TJP1: variants seen among roughly 807,000 people sequenced by gnomAD.
TJP1 encodes the protein tight junction protein 1, also known as tight junction protein ZO-1.
A neutral mutation model predicts 194.2 loss-of-function variants in TJP1; 43 were observed. The observed-to-expected ratio is 0.22, with a 90% CI of 0.17 to 0.29. The LOEUF is 0.29. TJP1 is among the 10% of genes least tolerant of loss of function. TJP1 has a pLI of 1.00. For missense variants in TJP1, 1,971 were observed against 2,185.7 expected (o/e 0.90, Z 1.96); for synonymous variants, 801 against 779.0 (o/e 1.03, Z -0.47).
intron 2 of TJP1, among the ~76,000 whole-genome samples, chr15:29,901,900 A>G (rs970282569): frequency 1.3e-5 from 2 of 152,018 alleles, no homozygotes; most frequent in Non-Finnish European, 1.5e-5. Flanking sequence ...ATTATGATTC[A>G]GGTATTTTCA....
At chr15:29,850,642 T>C (rs1050840801) in intron 2 of TJP1, among the ~76,000 whole-genome samples, 1 of 151,962 alleles carries the variant, frequency 6.6e-6, no homozygotes, top group African/African-American at 2.4e-5. Flanking sequence ...GCCAAATGTT[T>C]ATTGTTTTAA....
At chr15:29,716,520 T>G in intron 23 of TJP1, 91 bp downstream of exon 23, 3 of 955,684 alleles carry the variant, frequency 3.1e-6, no homozygotes, top group South Asian at 1.7e-5. Flanking sequence ...AATCATATAT[T>G]ACACTTAAAT....
At chr15:29,948,670 G>A (rs979083155) in intron 2 of TJP1, among the ~76,000 whole-genome samples, 18 of 152,228 alleles carry the variant, frequency 1.2e-4, no homozygotes, top group African/African-American at 3.4e-4. Flanking sequence ...GCAGAGGAGG[G>A]GAGATGCAAA....
chr15:29,782,263 A>T (rs992834679), intron 2 of TJP1, among the ~76,000 whole-genome samples: 1 of 152,152 alleles, frequency 6.6e-6, no homozygotes, highest in South Asian at 2.1e-4. Context: ...AAAAAGAACA[A>T]AGCTGGAGGC....
At chr15:29,852,520 C>T (rs745732047) in intron 2 of TJP1, among the ~76,000 whole-genome samples, 1 of 152,196 alleles carries the variant, frequency 6.6e-6, no homozygotes, top group Non-Finnish European at 1.5e-5. Flanking sequence ...TGATATAGTA[C>T]AGCCACTCTG....
chr15:29,851,219 T>C (rs1187349815), intron 2 of TJP1, among the ~76,000 whole-genome samples: 4 of 151,612 alleles, frequency 2.6e-5, no homozygotes, highest in South Asian at 2.1e-4. Flanking sequence ...AACAATAAAA[T>C]TGATAAACCT....
At chr15:29,903,807 GAACT>G (rs778415393) in intron 2 of TJP1, among the ~76,000 whole-genome samples, 4 of 152,174 alleles carry the variant, frequency 2.6e-5, no homozygotes, top group Non-Finnish European at 5.9e-5. Context: ...GAAATCAGGG[GAACT>G]TCGGGGAAAA....
chr15:29,800,384 T>C lies in TJP1; in HGVS notation c.84+262A>G, dbSNP rs748966648. The C allele has an allele frequency of 9.4e-5, 46 of 488,552 alleles. No individual in the cohort carries two copies. The Middle Eastern group carries it at 1.6e-3, about 17-fold the overall frequency. The allele number at this position is 488,552 out of a possible 1,614,324, so 30.3% of individuals were successfully genotyped here. Reference sequence around the variant, plus strand: ...TTATACTAATGTACAGAGTCTTTTATCTGATCACTCAAAATTTTAAAAGCA... The same window carrying C: ...TTATACTAATGTACAGAGTCTTTTACCTGATCACTCAAAATTTTAAAAGCA... On this transcript the variant is annotated intron_variant, in intron 2 of 27. Transcript: ENST00000614355.
At chr15:29,940,903 A>G (rs895797428) in intron 2 of TJP1, among the ~76,000 whole-genome samples, 1 of 151,980 alleles carries the variant, frequency 6.6e-6, no homozygotes, top group Non-Finnish European at 1.5e-5. Flanking sequence ...TGCCCCGATG[A>G]CCACCATAAC....
upstream of TJP1, among the ~76,000 whole-genome samples, chr15:29,826,710 CT>C (rs888942402): frequency 3.6e-4 from 55 of 152,270 alleles, no homozygotes; most frequent in African/African-American, 1.3e-3. Context: ...ATTCAAGCGT[CT>C]TCTAGTGTTT....
At chr15:29,830,764 A>G (rs1339838233) in intron 2 of TJP1, among the ~76,000 whole-genome samples, 1 of 152,122 alleles carries the variant, frequency 6.6e-6, no homozygotes, top group Non-Finnish European at 1.5e-5. Context: ...GAGTACTCCT[A>G]ATGTCCGTAT....
intron 2 of TJP1, among the ~76,000 whole-genome samples, chr15:29,856,637 C>T (rs990227405): frequency 3.3e-5 from 5 of 152,062 alleles, no homozygotes; most frequent in African/African-American, 7.2e-5. Context: ...GTTCTGCATC[C>T]GTGGATTCAA....
intron 27 of TJP1, 131 bp from the exon 28 acceptor site, chr15:29,701,820 T>C (rs547820165): frequency 9.4e-6 from 6 of 641,702 alleles, no homozygotes; most frequent in African/African-American, 9.1e-5. Context: ...TGAATTTGTA[T>C]CAAAACACAT....
chr15:29,900,031 G>A (rs1040346881), intron 2 of TJP1, among the ~76,000 whole-genome samples: 6 of 152,078 alleles, frequency 3.9e-5, no homozygotes, highest in African/African-American at 9.7e-5. Flanking sequence ...CGGTGGTTAA[G>A]TGCCATTAGA....
At chr15:29,968,523 C>G (rs1180642751) in intron 1 of TJP1, 1 of 810,350 alleles carries the variant, frequency 1.2e-6, no homozygotes, top group Non-Finnish European at 1.5e-6. Flanking sequence ...CCCCGCGCGG[C>G]GCGCCCCGCG....
At chr15:29,849,333 CAA>C (rs1459870402) in intron 2 of TJP1, among the ~76,000 whole-genome samples, 1 of 151,580 alleles carries the variant, frequency 6.6e-6, no homozygotes, top group East Asian at 1.9e-4. Flanking sequence ...CATATATTTA[CAA>C]AGTCTTAGAT....
intron 2 of TJP1, among the ~76,000 whole-genome samples, chr15:29,950,329 T>C (rs1229109874): frequency 2.5e-4 from 29 of 113,956 alleles, no homozygotes; most frequent in African/African-American, 9.4e-4. Context: ...TCACCACCAC[T>C]TCCTGTGCCA....
intron 2 of TJP1, among the ~76,000 whole-genome samples, chr15:29,863,356 T>C (rs1022586580): frequency 2.0e-5 from 3 of 151,902 alleles, no homozygotes; most frequent in Non-Finnish European, 2.9e-5. Context: ...TTGCAGGAGG[T>C]AGAGGCTGGA....
At chr15:29,932,542 A>G (rs1020757190) in intron 2 of TJP1, among the ~76,000 whole-genome samples, 21 of 152,098 alleles carry the variant, frequency 1.4e-4, no homozygotes, top group Non-Finnish European at 2.1e-4. Context: ...ATATGGGAGA[A>G]CATCTTTATG....
Sources: gnomAD v4.1 joint callset for allele counts (sites outside exome capture counted in the v4.1 genomes callset) on GRCh38, gnomAD v4.1.1 for gene constraint, MANE v1.5 for transcripts, NCBI Gene and HGNC (gene_info 2026-07-23, HGNC 2026-07-21) for gene names.